Variants in DPP6 observed in about 807,000 individuals in gnomAD.
DPP6 encodes the protein A-type potassium channel modulatory protein DPP6.
In DPP6, 69 loss-of-function variants were observed where a neutral mutation model predicts 122.6. The ratio of observed to expected loss-of-function variants is 0.56; its 90% confidence interval spans 0.46 to 0.69. DPP6 has a LOEUF of 0.69. Ranked by LOEUF, DPP6 falls within the 30% of genes least tolerant of loss-of-function variation. The pLI is 0.00. For missense variants in DPP6, 928 were observed against 1,116.9 expected (o/e 0.83, Z 2.41); for synonymous variants, 418 against 433.1 (o/e 0.97, Z 0.43).
intron 1 of DPP6, among the ~76,000 whole-genome samples, chr7:153,897,506 T>C (rs1378411373): frequency 6.6e-6 from 1 of 152,224 alleles, no homozygotes; most frequent in Non-Finnish European, 1.5e-5. Context: ...CATTGAACTT[T>C]CACCTACAGT....
rs1176500732 is a variant in DPP6 at position 154,741,715 on chromosome 7, G to A, written c.883+13828G>A. ...CCAACCCTAAGGACAAGGCAGCCAG[G>A]CCAGCTGAAGGATTTCAGATCAGCT... On this transcript the variant is annotated intron_variant, in intron 8 of 25. Transcript: ENST00000377770. Among the ~76,000 whole-genome samples the A allele has an allele frequency of 1.1e-4, 17 of 152,178 alleles. 1 individual carries two copies. Among genetic ancestry groups the A allele is most frequent in the Admixed American group, 1.1e-3 (17 of 15,288 alleles).
At chr7:154,826,410 G>C (rs1028798287) in intron 16 of DPP6, among the ~76,000 whole-genome samples, 6 of 152,036 alleles carry the variant, frequency 3.9e-5, no homozygotes, top group African/African-American at 1.5e-4. Context: ...TGATTCCTTG[G>C]CCAGTTTCCT....
intron 21 of DPP6, chr7:154,883,442 A>ATT (rs1805636505): frequency 1.4e-5 from 2 of 140,304 alleles, no homozygotes; most frequent in Non-Finnish European, 3.1e-5. Flanking sequence ...GCTCACATTC[A>ATT]CACACATGCT....
At chr7:153,918,119 T>G (rs1283155939) in intron 1 of DPP6, among the ~76,000 whole-genome samples, 1 of 152,212 alleles carries the variant, frequency 6.6e-6, no homozygotes, top group Non-Finnish European at 1.5e-5. Context: ...ACATGGCACA[T>G]TTATTCCCAA....
chr7:154,270,204 C>T (rs1001613232), intron 1 of DPP6, among the ~76,000 whole-genome samples: 1 of 152,054 alleles, frequency 6.6e-6, no homozygotes, highest in Non-Finnish European at 1.5e-5. Flanking sequence ...CGTATTTAAT[C>T]GTGGTTATTG....
upstream of DPP6, among the ~76,000 whole-genome samples, chr7:153,882,724 A>G (rs559505461): frequency 6.6e-6 from 1 of 152,244 alleles, no homozygotes; most frequent in Non-Finnish European, 1.5e-5. Context: ...AGGCAAAGGT[A>G]AATGGGATAG....
At chr7:154,718,703 G>A (rs987839952) in intron 7 of DPP6, among the ~76,000 whole-genome samples, 3 of 141,566 alleles carry the variant, frequency 2.1e-5, no homozygotes, top group African/African-American at 7.9e-5. Flanking sequence ...GCAGTGGCAT[G>A]AGCTCAGCTC....
At chr7:154,140,627 C>T (rs1265178038) in intron 1 of DPP6, among the ~76,000 whole-genome samples, 1 of 152,162 alleles carries the variant, frequency 6.6e-6, no homozygotes, top group Non-Finnish European at 1.5e-5. Context: ...AGCCAGGAAT[C>T]CTTTAAAGTA....
chr7:154,794,221 G>C lies in DPP6; in HGVS notation c.1260+19G>C, dbSNP rs756826466. Reference sequence around the variant, plus strand: ...CACGAAGGTACGCGGGGCTGTGGGGGTGGAGGGGAGACGGGTGAAGAACCG... The same window carrying C: ...CACGAAGGTACGCGGGGCTGTGGGGCTGGAGGGGAGACGGGTGAAGAACCG... On this transcript the variant is annotated intron_variant, in intron 11 of 25. Transcript: ENST00000377770. 3 of 1,592,238 alleles carry C rather than the reference G, an allele frequency of 1.9e-6. No homozygotes were observed. The Admixed American group carries it at 5.1e-5, about 27-fold the overall frequency.
the DPP6 span, among the ~76,000 whole-genome samples, chr7:153,800,460 G>T: frequency 6.6e-6 from 1 of 152,152 alleles, no homozygotes; most frequent in African/African-American, 2.4e-5. Context: ...CTTAATGGGT[G>T]CAAAAATACA....
intron 1 of DPP6, among the ~76,000 whole-genome samples, chr7:154,034,558 T>TGAGATCAATG (rs1236044444): frequency 6.6e-6 from 1 of 152,208 alleles, no homozygotes; most frequent in African/African-American, 2.4e-5. Context: ...CGTGTATGTT[T>TGAGATCAATG]GAGATCAATG....
At chr7:154,463,816 C>CTGGT (rs1339729466) in intron 2 of DPP6, among the ~76,000 whole-genome samples, 1 of 152,132 alleles carries the variant, frequency 6.6e-6, no homozygotes, top group African/African-American at 2.4e-5. Context: ...TGTGGCTGAG[C>CTGGT]TGGTATCCAA....
chr7:154,822,779 T>C (rs1047721745), intron 16 of DPP6, among the ~76,000 whole-genome samples: 5 of 152,152 alleles, frequency 3.3e-5, no homozygotes, highest in African/African-American at 1.2e-4. Flanking sequence ...CTCCATCCTA[T>C]TTCCTGCTCT....
chr7:154,080,711 A>C (rs1037307828), intron 1 of DPP6, among the ~76,000 whole-genome samples: 1 of 150,912 alleles, frequency 6.6e-6, no homozygotes, highest in African/African-American at 2.4e-5. Context: ...TATAAGGCAG[A>C]TCTTTTCCCA....
rs762935463 is a variant in DPP6, at chr7:154,872,626, C to G, written c.1816C>G (p.Leu606Val). The G allele has an allele frequency of 1.4e-5, 23 of 1,599,682 alleles. No individual in the cohort carries two copies. Among genetic ancestry groups the G allele is most frequent in the Non-Finnish European group, 1.7e-6 (2 of 1,173,486 alleles). ...TGCTGTGCTCTGCTTCTCCCCAGAC[C>G]TGCCCATGCAGATACTGAAGCCAGC... ...YRDIEIDDYN[L>V]PMQILKPATF... The change falls in exon 19 of 26, where the codon CTG becomes GTG. Residue 606 changes from leucine to valine, a missense_variant and splice_region_variant. Physicochemically the swap from Leu to Val is conservative, Grantham distance 32 (BLOSUM62 1). Transcript: ENST00000377770.
At chr7:154,850,410 G>T (rs1299904902) in intron 16 of DPP6, among the ~76,000 whole-genome samples, 1 of 152,082 alleles carries the variant, frequency 6.6e-6, no homozygotes, top group Admixed American at 6.6e-5. Flanking sequence ...TTTTTGGCGG[G>T]GGTGGGGGAG....
chr7:154,397,264 CTAGTA>C (rs1274122054), intron 1 of DPP6, among the ~76,000 whole-genome samples: 1 of 150,562 alleles, frequency 6.6e-6, no homozygotes, highest in East Asian at 2.0e-4. Context: ...CAACTGAACT[CTAGTA>C]TAAAGTGGCT....
intron 1 of DPP6, among the ~76,000 whole-genome samples, chr7:154,408,300 A>G (rs749630801): frequency 4.6e-5 from 7 of 152,244 alleles, no homozygotes; most frequent in Non-Finnish European, 7.3e-5. Flanking sequence ...CAAGGAGACT[A>G]TAACTTAAGA....
intron 1 of DPP6, among the ~76,000 whole-genome samples, chr7:154,215,106 G>A (rs116017885): frequency 0.012 from 1,879 of 152,232 alleles, 44 homozygotes; most frequent in African/African-American, 0.043. Context: ...AAGAAAACAG[G>A]TTTAATTCAC....
Sources: gnomAD v4.1 joint callset for allele counts (sites outside exome capture counted in the v4.1 genomes callset) on GRCh38, gnomAD v4.1.1 for gene constraint, MANE v1.5 for transcripts, NCBI Gene and HGNC (gene_info 2026-07-23, HGNC 2026-07-21) for gene names.